The following MAPK8IP3 variants were observed in gnomAD, a reference collection of about 807,000 sequenced individuals.
MAPK8IP3 encodes C-Jun-amino-terminal kinase-interacting protein 3.
MAPK8IP3 carries 49 observed loss-of-function variants against 157.8 expected under a neutral mutation model. The observed-to-expected ratio is 0.31, with a 90% confidence interval of 0.25 to 0.39. The LOEUF (loss-of-function observed/expected upper bound fraction) is 0.39. MAPK8IP3 is among the 10% of genes least tolerant of loss of function. The pLI is 1.00. For missense variants in MAPK8IP3, 1,478 were observed against 1,889.4 expected, an observed-to-expected ratio of 0.78 and a Z score of 4.04; for synonymous variants, 897 against 777.7, an observed-to-expected ratio of 1.15 and a Z score of -2.55.
intron 4 of MAPK8IP3, among the ~76,000 whole-genome samples, chr16:1,738,227 AGT>A (rs1214697500): frequency 1.9e-5 from 1 of 52,740 alleles, no homozygotes; most frequent in Non-Finnish European, 3.4e-5. Flanking sequence ...TCCGTGTGAG[AGT>A]GTGACCATCC....
At chr16:1,709,218 C>T (rs776878040) in intron 1 of MAPK8IP3, among the ~76,000 whole-genome samples, 1 of 152,190 alleles carries the variant, frequency 6.6e-6, no homozygotes, top group Non-Finnish European at 1.5e-5. Flanking sequence ...CAGTGACTCC[C>T]AATGTGCTCT....
chr16:1,739,748 C>G (rs1369605332), intron 4 of MAPK8IP3, among the ~76,000 whole-genome samples: 1 of 85,960 alleles, frequency 1.2e-5, no homozygotes, highest in African/African-American at 4.8e-5. Flanking sequence ...GTGTGACCGT[C>G]CGTGTGTGAC....
chr16:1,719,520 C>T (rs1458274092), intron 1 of MAPK8IP3, among the ~76,000 whole-genome samples: 1 of 151,932 alleles, frequency 6.6e-6, no homozygotes, highest in African/African-American at 2.4e-5. Flanking sequence ...GTTTAAAAAC[C>T]TGTGGTGCTG....
intron 3 of MAPK8IP3, 87 bp downstream of exon 3, chr16:1,729,295 T>C (rs2039127156): frequency 6.8e-7 from 1 of 1,462,220 alleles, no homozygotes; most frequent in African/African-American, 1.4e-5. Context: ...CGTGGTTTTC[T>C]TCCCTGGCAT....
chr16:1,758,415 G>A (rs974560696), intron 9 of MAPK8IP3, among the ~76,000 whole-genome samples: 4 of 152,072 alleles, frequency 2.6e-5, no homozygotes, highest in Non-Finnish European at 4.4e-5. Flanking sequence ...AAGGCCCTGC[G>A]GAGCCCTAAG....
At chr16:1,717,172 G>C (rs1414832690) in intron 1 of MAPK8IP3, among the ~76,000 whole-genome samples, 1 of 150,156 alleles carries the variant, frequency 6.7e-6, no homozygotes, top group Non-Finnish European at 1.5e-5. Context: ...GGAGGCGGAG[G>C]TTGCAGTGAG....
chr16:1,733,861 T>C (rs1412475051), intron 4 of MAPK8IP3, among the ~76,000 whole-genome samples: 1 of 152,242 alleles, frequency 6.6e-6, no homozygotes, highest in Non-Finnish European at 1.5e-5. Context: ...TTGTCAGCGC[T>C]GCCACAACCA....
intron 1 of MAPK8IP3, among the ~76,000 whole-genome samples, chr16:1,719,320 C>G (rs951449799): frequency 6.6e-6 from 1 of 151,630 alleles, no homozygotes; most frequent in Non-Finnish European, 1.5e-5. Flanking sequence ...TCCTAAGGGA[C>G]AGAGACCTGG....
At chr16:1,738,672 ATG>A (rs1216312645) in intron 4 of MAPK8IP3, among the ~76,000 whole-genome samples, 2 of 110,634 alleles carry the variant, frequency 1.8e-5, no homozygotes, top group African/African-American at 7.2e-5. Context: ...CCATGTGAGC[ATG>A]TGTGACCGTC....
chr16:1,745,249 G>A, intron 5 of MAPK8IP3: 1 of 917,792 alleles, frequency 1.1e-6, no homozygotes. Flanking sequence ...CGTGGAGGAA[G>A]GTGGCCCAGA....
chr16:1,765,178 G>C lies in MAPK8IP3; in HGVS notation c.2446G>C (p.Ala816Pro), dbSNP rs754254693. ...AHVLCISSIP[A>P]ASDSDYPPGE... is the part of the protein sequence containing the mutation. ...CGTGCTGTGCATCTCCAGCATCCCCGGTGAGCAGCTGGAGTGGGCGTTTCC... is the reference window on the plus strand; with the variant it reads ...CGTGCTGTGCATCTCCAGCATCCCCCGTGAGCAGCTGGAGTGGGCGTTTCC... The change falls in exon 20 of 32, where the codon GCG (alanine) becomes CCG (proline). Residue 816 changes from alanine to proline, a missense_variant and splice_region_variant. Physicochemically the swap from Ala to Pro is conservative, Grantham distance 27. This residue lies in a region of MAPK8IP3 where 669 missense variants were observed against 759.8 expected (regional missense o/e 0.88). Transcript: ENST00000610761. 57 of 1,588,354 alleles carry C rather than the reference G, an allele frequency of 3.6e-5. No individual in the cohort carries two copies. Among genetic ancestry groups the C allele is most frequent in the Middle Eastern group, 3.3e-4 (2 of 6,014 alleles).
At chr16:1,760,690 G>C (rs1386696728) in intron 12 of MAPK8IP3, among the ~76,000 whole-genome samples, 158 bp downstream of exon 12, 1 of 152,218 alleles carries the variant, frequency 6.6e-6, no homozygotes, top group South Asian at 2.1e-4. Context: ...CCAACCAGCA[G>C]AGTGGGGCCG....
intron 20 of MAPK8IP3, 141 bp from the exon 21 acceptor site, chr16:1,765,818 TG>T: frequency 1.3e-6 from 1 of 751,924 alleles, no homozygotes; most frequent in South Asian, 1.7e-5. Context: ...GGGTGGGCTG[TG>T]GGTGGAGCAT....
intron 2 of MAPK8IP3, among the ~76,000 whole-genome samples, chr16:1,726,096 A>C (rs1362173864): frequency 6.6e-6 from 1 of 152,218 alleles, no homozygotes; most frequent in Non-Finnish European, 1.5e-5. Flanking sequence ...AACTGTTTTG[A>C]TATGTTAGAC....
intron 4 of MAPK8IP3, among the ~76,000 whole-genome samples, chr16:1,737,843 T>G (rs1362492859): frequency 2.2e-5 from 2 of 91,378 alleles, no homozygotes; most frequent in Non-Finnish European, 4.3e-5. Flanking sequence ...ACTGTCCGTG[T>G]GTGTGACCAT....
intron 10 of MAPK8IP3, among the ~76,000 whole-genome samples, chr16:1,759,705 G>A (rs981597536): frequency 6.6e-6 from 1 of 152,236 alleles, no homozygotes; most frequent in African/African-American, 2.4e-5. Flanking sequence ...CCATTCAGGG[G>A]CCTGCGTCCG....
chr16:1,762,564 T>C, intron 14 of MAPK8IP3, 83 bp downstream of exon 14: 2 of 1,579,140 alleles, frequency 1.3e-6, no homozygotes, highest in East Asian at 4.5e-5. Context: ...CACCTCCCTG[T>C]CTTCTGGGGG....
At position 1,729,215 on chromosome 16, in the gene MAPK8IP3, G is replaced by A. The variant is rs780625129; in HGVS notation, c.510+7G>A. On this transcript the variant is annotated splice_region_variant and intron_variant, in intron 3 of 31. Transcript: ENST00000610761. ...GCACCAGCGGCACACAGAGGTGGGC[G>A]CCCAGAGGCAAGCGCGGAGACGAGG... 1.9e-6 allele frequency: 3 copies of A among 1,613,704 alleles called. No individual in the cohort carries two copies. Among genetic ancestry groups the A allele is most frequent in the Non-Finnish European group, 1.7e-6 (2 of 1,179,960 alleles).
chr16:1,740,491 C>T (rs2040607516), intron 4 of MAPK8IP3, among the ~76,000 whole-genome samples: 1 of 152,202 alleles, frequency 6.6e-6, no homozygotes. Context: ...ATCTGTGTGA[C>T]CGTCCATATG....
Sources: allele counts gnomAD v4.1 joint callset (sites outside exome capture counted in the v4.1 genomes callset), GRCh38; gene constraint gnomAD v4.1.1; regional missense constraint gnomAD v4.1.1; transcripts MANE v1.5; gene names NCBI Gene and HGNC (gene_info 2026-07-23, HGNC 2026-07-21).